The following EXOC6B variants were observed in gnomAD, a reference collection of about 807,000 sequenced individuals.
EXOC6B encodes exocyst complex component 6B.
EXOC6B carries 54 observed loss-of-function variants against 113.5 expected under a neutral mutation model. The ratio of observed to expected loss-of-function variants is 0.48; its 90% CI spans 0.38 to 0.60. The LOEUF (loss-of-function observed/expected upper bound fraction) is 0.60, where lower values mean the gene tolerates loss of function less well. Among genes scored for constraint, EXOC6B ranks in the 20% least tolerant of loss-of-function variants. The probability of loss-of-function intolerance (pLI) is 0.00; values close to 1 mark genes in which losing one functional copy is unlikely to be tolerated. For missense variants in EXOC6B, 797 were observed against 977.5 expected (o/e 0.82, Z 2.46); for synonymous variants, 357 against 339.0 (o/e 1.05, Z -0.58).
chr2:72,694,157 A>C (rs1469154557), intron 6 of EXOC6B, among the ~76,000 whole-genome samples: 3 of 152,178 alleles, frequency 2.0e-5, no homozygotes, highest in African/African-American at 7.2e-5. Context: ...TCAAGAATGA[A>C]CTGGTGGGGC....
At chr2:72,191,255 C>G (rs1322762927) in intron 20 of EXOC6B, among the ~76,000 whole-genome samples, 2 of 152,074 alleles carry the variant, frequency 1.3e-5, no homozygotes, top group Non-Finnish European at 2.9e-5. Flanking sequence ...ATCTGTGTGA[C>G]TCTTAACTAG....
chr2:72,497,778 A>G (rs1700113469), intron 13 of EXOC6B, among the ~76,000 whole-genome samples: 3 of 152,206 alleles, frequency 2.0e-5, no homozygotes, highest in Admixed American at 2.0e-4. Context: ...AATAGGCAGC[A>G]TAATCACTTA....
intron 17 of EXOC6B, among the ~76,000 whole-genome samples, chr2:72,473,861 C>T (rs958785513): frequency 2.0e-5 from 3 of 151,958 alleles, no homozygotes; most frequent in Non-Finnish European, 4.4e-5. Flanking sequence ...GAGTTTTATA[C>T]TTTTGTGTGT....
At chr2:72,641,443 C>T (rs1016745307) in intron 6 of EXOC6B, among the ~76,000 whole-genome samples, 5 of 152,262 alleles carry the variant, frequency 3.3e-5, no homozygotes, top group East Asian at 1.9e-4. Flanking sequence ...CCCCCACCCA[C>T]GAAGCCTTGC....
In EXOC6B at chr2:72,236,828, G is replaced by A. The variant is rs564868626; in HGVS notation, c.2197-52641C>T. Among the ~76,000 whole-genome samples, 18 of 152,122 alleles carry A rather than the reference G, an allele frequency of 1.2e-4. 1 individual carries two copies. Among genetic ancestry groups the A allele is most frequent in the Middle Eastern group, 6.8e-3 (2 of 294 alleles). ...CATGGGCAGTCTTAGTTTCTCCTGCGCTGTCTCAGGTGACTCCACTGCTCT... is the reference window on the plus strand; with the variant it reads ...CATGGGCAGTCTTAGTTTCTCCTGCACTGTCTCAGGTGACTCCACTGCTCT... On this transcript the variant is annotated intron_variant, in intron 20 of 21. Coordinates refer to ENST00000272427, the MANE Select transcript of EXOC6B (RefSeq NM_015189.3).
intron 20 of EXOC6B, among the ~76,000 whole-genome samples, chr2:72,288,217 C>G (rs904627032): frequency 6.6e-6 from 1 of 152,054 alleles, no homozygotes; most frequent in African/African-American, 2.4e-5. Flanking sequence ...CTTGAGTTAT[C>G]TTTGCTCTTG....
chr2:72,315,576 A>G (rs911181603), intron 20 of EXOC6B, among the ~76,000 whole-genome samples: 2 of 152,140 alleles, frequency 1.3e-5, no homozygotes, highest in African/African-American at 2.4e-5. Context: ...ATACTTAATT[A>G]TTTGAATCAT....
chr2:72,709,756 T>C (rs1486940315), intron 6 of EXOC6B, among the ~76,000 whole-genome samples: 1 of 152,124 alleles, frequency 6.6e-6, no homozygotes, highest in Non-Finnish European at 1.5e-5. Context: ...TTTCTAAGAA[T>C]AAAATAAAAA....
chr2:72,528,272 C>T (rs532255501), intron 8 of EXOC6B, among the ~76,000 whole-genome samples: 24 of 152,138 alleles, frequency 1.6e-4, no homozygotes, highest in African/African-American at 4.1e-4. Flanking sequence ...AGTTCTATCA[C>T]GCTCATTCTC....
At chr2:72,304,075 G>A (rs1002897883) in intron 20 of EXOC6B, among the ~76,000 whole-genome samples, 5 of 152,194 alleles carry the variant, frequency 3.3e-5, no homozygotes, top group African/African-American at 9.6e-5. Context: ...ACTCCCAGGT[G>A]GGCGTTTATC....
intron 1 of EXOC6B, among the ~76,000 whole-genome samples, chr2:72,773,115 A>ATTTTTTTTTTTTTT (rs1683493598): frequency 5.9e-5 from 7 of 118,254 alleles, no homozygotes; most frequent in African/African-American, 2.6e-4. Flanking sequence ...TAGACCTTAG[A>ATTTTTTTTTTTTTT]TTTTCTTTTT....
intron 20 of EXOC6B, among the ~76,000 whole-genome samples, chr2:72,272,218 G>A (rs960287552): frequency 6.6e-6 from 1 of 152,130 alleles, no homozygotes; most frequent in African/African-American, 2.4e-5. Flanking sequence ...TCTTGGATAA[G>A]TGCCCAATGT....
intron 6 of EXOC6B, among the ~76,000 whole-genome samples, chr2:72,701,323 A>G (rs1376564380): frequency 2.0e-5 from 3 of 151,176 alleles, no homozygotes; most frequent in African/African-American, 7.3e-5. Context: ...GCCTGGTGAC[A>G]AAGCAAGACT....
intron 18 of EXOC6B, among the ~76,000 whole-genome samples, chr2:72,399,815 C>A (rs1693018956): frequency 6.6e-6 from 1 of 152,096 alleles, no homozygotes; most frequent in South Asian, 2.1e-4. Context: ...ATTCCATGTT[C>A]ATGGACTGGA....
chr2:72,550,263 T>A (rs1438669088), intron 8 of EXOC6B, among the ~76,000 whole-genome samples: 1 of 152,156 alleles, frequency 6.6e-6, no homozygotes, highest in Non-Finnish European at 1.5e-5. Context: ...CATGCAGTAA[T>A]GCCAATTTGT....
chr2:72,427,951 G>A (rs1573097218), intron 18 of EXOC6B, among the ~76,000 whole-genome samples: 3 of 152,294 alleles, frequency 2.0e-5, no homozygotes, highest in South Asian at 4.1e-4. Flanking sequence ...CTGAAGAGAG[G>A]AGCTACCCTC....
intron 6 of EXOC6B, among the ~76,000 whole-genome samples, chr2:72,611,306 C>T (rs1216859416): frequency 6.6e-6 from 1 of 151,168 alleles, no homozygotes; most frequent in Non-Finnish European, 1.5e-5. Context: ...GGCAGCGAGC[C>T]GAGATCGTGC....
chr2:72,293,084 A>T (rs936129419), intron 20 of EXOC6B, among the ~76,000 whole-genome samples: 9 of 152,182 alleles, frequency 5.9e-5, no homozygotes, highest in Non-Finnish European at 1.2e-4. Flanking sequence ...GTTTGTAAAC[A>T]TATTTAATTT....
At chr2:72,275,207 T>C (rs1415476981) in intron 20 of EXOC6B, among the ~76,000 whole-genome samples, 1 of 152,176 alleles carries the variant, frequency 6.6e-6, no homozygotes, top group Non-Finnish European at 1.5e-5. Flanking sequence ...AAAGTTTATC[T>C]GAGATACATT....
Sources: gnomAD v4.1 joint callset for allele counts (sites outside exome capture counted in the v4.1 genomes callset) on GRCh38, gnomAD v4.1.1 for gene constraint, MANE v1.5 for transcripts, NCBI Gene and HGNC (gene_info 2026-07-23, HGNC 2026-07-21) for gene names.